Variants in PTPRF observed in about 807,000 individuals in gnomAD.
The protein encoded by PTPRF is protein tyrosine phosphatase receptor type F, also known as receptor-type tyrosine-protein phosphatase F.
In PTPRF, 59 loss-of-function variants were observed where a neutral mutation model predicts 201.8. The observed-to-expected ratio is 0.29, with a 90% CI of 0.24 to 0.36. The LOEUF (loss-of-function observed/expected upper bound fraction) is 0.36, where lower values mean the gene tolerates loss of function less well. Among genes scored for constraint, PTPRF ranks in the 10% least tolerant of loss-of-function variants. PTPRF has a pLI of 1.00. For synonymous variants in PTPRF, 1,088 were observed against 1,089.7 expected (o/e 1.00, Z 0.03); for missense variants, 2,132 against 2,690.5 (o/e 0.79, Z 4.59).
chr1:43,546,125 C>A lies in PTPRF; in HGVS notation c.91+959C>A, dbSNP rs1057430399. Among the ~76,000 whole-genome samples, 6 of 152,206 alleles carry A rather than the reference C, an allele frequency of 3.9e-5. No homozygotes were observed. The highest frequency in any genetic ancestry group is 5.9e-5 in the Non-Finnish European group (4 of 68,026). On this transcript the variant is annotated intron_variant, in intron 3 of 33. Coordinates refer to ENST00000359947, the MANE Select transcript of PTPRF (RefSeq NM_002840.5). The surrounding 1 kb of genome is among the most constrained non-coding windows in gnomAD (Gnocchi z 4.2). Reference sequence around the variant, plus strand: ...GGGTCACCAGGCCATAGGGCTCCCCCACCTGCCTCCGTATCTCTGGGTACA... The same window carrying A: ...GGGTCACCAGGCCATAGGGCTCCCCAACCTGCCTCCGTATCTCTGGGTACA...
chr1:43,563,542 G>A (rs1052766349), intron 5 of PTPRF, among the ~76,000 whole-genome samples: 1 of 152,194 alleles, frequency 6.6e-6, no homozygotes, highest in Non-Finnish European at 1.5e-5. Context: ...GTTGGGAGGA[G>A]GTTCCTGAGA....
intron 11 of PTPRF, among the ~76,000 whole-genome samples, chr1:43,595,235 A>G (rs1249317249): frequency 6.6e-6 from 1 of 151,964 alleles, no homozygotes; most frequent in African/African-American, 2.4e-5. Flanking sequence ...TTTTGAGACA[A>G]AGTGTTGCTC....
chr1:43,555,400 T>C (rs1304854170), intron 5 of PTPRF, among the ~76,000 whole-genome samples: 2 of 150,768 alleles, frequency 1.3e-5, no homozygotes, highest in African/African-American at 4.9e-5. Context: ...AAAATATGGC[T>C]AACATCTTCC....
In PTPRF at chr1:43,605,244, A is replaced by G. The variant is rs937549257; in HGVS notation, c.3190A>G (p.Ile1064Val). Residue 1064 changes from isoleucine to valine, a missense_variant, in exon 18 of 34, where the codon ATC becomes GTC. This residue lies in a region of PTPRF where 818 missense variants were observed against 915.3 expected (regional missense o/e 0.89). Transcript: ENST00000359947. ...EVDGHSMRKLIADLQPNTEYS... is the reference protein window; with the variant it reads ...EVDGHSMRKLVADLQPNTEYS... Reference sequence around the variant, plus strand: ...GGACGGGCACTCGATGCGGAAGCTGATCGCAGACCTGCAGCCCAACACAGA... The same window carrying G: ...GGACGGGCACTCGATGCGGAAGCTGGTCGCAGACCTGCAGCCCAACACAGA... 4 of 1,609,094 alleles carry G rather than the reference A, an allele frequency of 2.5e-6. No homozygotes were observed. The highest frequency in any genetic ancestry group is 3.4e-6 in the Non-Finnish European group (4 of 1,176,234).
At chr1:43,621,609 C>G (rs2154041539) in intron 33 of PTPRF, among the ~76,000 whole-genome samples, 1 of 152,320 alleles carries the variant, frequency 6.6e-6, no homozygotes, top group Non-Finnish European at 1.5e-5. Context: ...TTCGGCAGCT[C>G]TCTGCTGAGC....
chr1:43,537,810 G>A lies in PTPRF; in HGVS notation c.-125-388G>A, dbSNP rs1265476180. 1.3e-5 allele frequency among the ~76,000 whole-genome samples: 2 copies of A among 152,164 alleles called. No homozygotes were observed. Among genetic ancestry groups the A allele is most frequent in the African/African-American group, 4.8e-5 (2 of 41,444 alleles). On this transcript the variant is annotated intron_variant, in intron 1 of 33. Transcript: ENST00000359947. This position sits in a 1 kb window ranked among gnomAD's most constrained non-coding sequence, Gnocchi z 4.8. ...TTGAGGATCAGAAGAGGAAGTTCCC[G>A]TTCTGGCAGGAGGAGAGCATGGGCA...
In PTPRF at chr1:43,603,027, C is replaced by T. The variant is rs1654148678; in HGVS notation, c.2341-389C>T. 6.6e-6 allele frequency among the ~76,000 whole-genome samples: 1 copy of T among 152,192 alleles called. No individual in the cohort carries two copies. The highest frequency in any genetic ancestry group is 2.1e-4 in the South Asian group (1 of 4,836). On this transcript the variant is annotated intron_variant, in intron 14 of 33. Transcript: ENST00000359947. This position sits in a 1 kb window ranked among gnomAD's most constrained non-coding sequence, Gnocchi z 5.8. ...ACAGGCAGCCTTACGCCTGCTTATG[C>T]AGGAGCTGTAGGCTGTGTGCGTGTG...
At chr1:43,605,709 C>A in intron 19 of PTPRF, 87 bp downstream of exon 19, 1 of 1,234,224 alleles carries the variant, frequency 8.1e-7, no homozygotes, top group Non-Finnish European at 1.2e-6. Flanking sequence ...CCCAGTGACT[C>A]TCAGATTCAC....
chr1:43,524,005 G>A (rs1643022779), upstream of PTPRF, among the ~76,000 whole-genome samples: 1 of 141,004 alleles, frequency 7.1e-6, no homozygotes, highest in Admixed American at 7.7e-5. Flanking sequence ...GGAGGTTGCA[G>A]TGAGCCGAGA....
intron 23 of PTPRF, among the ~76,000 whole-genome samples, chr1:43,614,933 C>A (rs372901175): frequency 6.6e-6 from 1 of 152,100 alleles, no homozygotes; most frequent in African/African-American, 2.4e-5. Flanking sequence ...CCTCTTCCAC[C>A]TCCTCCAAGC....
At chr1:43,615,552 T>C (rs1217164711) in intron 23 of PTPRF, among the ~76,000 whole-genome samples, 3 of 23,738 alleles carry the variant, frequency 1.3e-4, no homozygotes, top group East Asian at 1.3e-3. Flanking sequence ...CTCTGTTGTC[T>C]TTTTTTTTTT....
intron 5 of PTPRF, among the ~76,000 whole-genome samples, chr1:43,559,728 T>C (rs893830305): frequency 1.3e-5 from 2 of 150,268 alleles, no homozygotes; most frequent in African/African-American, 4.9e-5. Flanking sequence ...GCTGTGTGTA[T>C]GTATCAGGCT....
chr1:43,608,607 C>T (rs112754488), intron 21 of PTPRF, among the ~76,000 whole-genome samples: 19 of 152,314 alleles, frequency 1.2e-4, no homozygotes, highest in African/African-American at 4.1e-4. Context: ...TTTCCCTGAG[C>T]GTACAGAGCT....
intron 13 of PTPRF, among the ~76,000 whole-genome samples, chr1:43,599,373 A>G (rs1358603246): frequency 6.6e-6 from 1 of 152,048 alleles, no homozygotes; most frequent in African/African-American, 2.4e-5. Context: ...ACTGTGCCCC[A>G]CCAGGTCGGG....
intron 21 of PTPRF, among the ~76,000 whole-genome samples, chr1:43,608,804 C>G (rs1655765688): frequency 6.6e-6 from 1 of 152,212 alleles, no homozygotes; most frequent in Non-Finnish European, 1.5e-5. Flanking sequence ...CACAAGTAGC[C>G]TCTGGCTATT....
chr1:43,593,685 A>C (rs557684687), intron 11 of PTPRF, among the ~76,000 whole-genome samples: 1 of 149,406 alleles, frequency 6.7e-6, no homozygotes, highest in African/African-American at 2.4e-5. Flanking sequence ...CACAAATGTC[A>C]TTAAAAGCTC....
At chr1:43,596,897 A>T (rs1217668220) in intron 11 of PTPRF, among the ~76,000 whole-genome samples, 3 of 152,150 alleles carry the variant, frequency 2.0e-5, no homozygotes, top group Admixed American at 6.5e-5. Flanking sequence ...TGTGTGTGAG[A>T]GTGTGTGTCA....
At chr1:43,587,109 G>A (rs867648774) in intron 7 of PTPRF, among the ~76,000 whole-genome samples, 1 of 152,340 alleles carries the variant, frequency 6.6e-6, no homozygotes. Flanking sequence ...GAGCACCAGA[G>A]TAAGGCAGGC....
chr1:43,571,911 A>G (rs1646599070), intron 6 of PTPRF, among the ~76,000 whole-genome samples: 1 of 152,224 alleles, frequency 6.6e-6, no homozygotes, highest in Non-Finnish European at 1.5e-5. Flanking sequence ...CTCATGTTTG[A>G]AAAGGAGTTA....
Sources: allele counts gnomAD v4.1 joint callset (sites outside exome capture counted in the v4.1 genomes callset), GRCh38; gene constraint gnomAD v4.1.1; regional missense constraint gnomAD v4.1.1; non-coding constraint Gnocchi (gnomAD v3.1); transcripts MANE v1.5; gene names NCBI Gene and HGNC (gene_info 2026-07-23, HGNC 2026-07-21).